Variants in FGF13 observed in about 807,000 individuals in gnomAD.
The protein encoded by FGF13 is fibroblast growth factor homologous factor 2.
A neutral mutation model predicts 19.5 loss-of-function variants in FGF13; 2 were observed. That is an observed-to-expected ratio of 0.10 (90% CI 0.04 to 0.32). The LOEUF (loss-of-function observed/expected upper bound fraction) is 0.32, where lower values mean the gene tolerates loss of function less well. FGF13 is among the 10% of genes least tolerant of loss of function. The pLI, the probability that FGF13 is intolerant of heterozygous loss-of-function variation, is 1.00. For missense variants in FGF13, 113 were observed against 192.7 expected (o/e 0.59, Z 2.45); for synonymous variants, 72 against 76.9 (o/e 0.94, Z 0.33).
intron 1 of FGF13, among the ~76,000 whole-genome samples, chrX:139,022,132 G>A (rs930725874): frequency 1.8e-5 from 2 of 111,407 alleles, no homozygotes; most frequent in South Asian, 7.5e-4. Context: ...AGGTAAGGAT[G>A]GGACAGGAGC....
chrX:138,726,629 T>C (rs1367048146), intron 1 of FGF13, among the ~76,000 whole-genome samples: 1 of 112,149 alleles, frequency 8.9e-6, no homozygotes, highest in Non-Finnish European at 1.9e-5. Context: ...TCTTATCTAC[T>C]GTAGACCAAC....
At chrX:139,105,278 G>A (rs1002510762) in intron 1 of FGF13, among the ~76,000 whole-genome samples, 2 of 111,480 alleles carry the variant, frequency 1.8e-5, no homozygotes, top group African/African-American at 6.5e-5. Context: ...ACACAATGTG[G>A]TATGGAGGAA....
chrX:138,971,642 GATAC>G (rs1270551510), intron 1 of FGF13, among the ~76,000 whole-genome samples: 4 of 111,092 alleles, frequency 3.6e-5, no homozygotes, highest in Non-Finnish European at 7.6e-5. Context: ...GTGATGCTTT[GATAC>G]ATACATATAT....
At chrX:139,077,272 A>G (rs1161942080) in intron 1 of FGF13, among the ~76,000 whole-genome samples, 2 of 112,281 alleles carry the variant, frequency 1.8e-5, no homozygotes, top group Admixed American at 1.9e-4. Context: ...TGAAAAGCCA[A>G]TGGAAGATAA....
chrX:138,886,754 G>A (rs772955448), intron 1 of FGF13, among the ~76,000 whole-genome samples: 3 of 111,603 alleles, frequency 2.7e-5, no homozygotes, highest in Non-Finnish European at 3.8e-5. Flanking sequence ...AAGTATAAGC[G>A]TTGTGTTTCA....
At chrX:138,781,835 G>C (rs1302303767) in intron 3 of FGF13, among the ~76,000 whole-genome samples, 4 of 111,813 alleles carry the variant, frequency 3.6e-5, no homozygotes, top group African/African-American at 1.3e-4. Flanking sequence ...TGATACCAAA[G>C]CCGGGCAGAG....
At chrX:138,963,912 G>A (rs143451705) in intron 1 of FGF13, among the ~76,000 whole-genome samples, 1,365 of 111,751 alleles carry the variant, frequency 0.012, 7 homozygotes, top group Non-Finnish European at 0.018. Context: ...CTGAAAAATG[G>A]GGACAGTAAT....
intron 3 of FGF13, among the ~76,000 whole-genome samples, chrX:138,761,238 T>C (rs904091299): frequency 5.4e-5 from 6 of 112,064 alleles, no homozygotes; most frequent in African/African-American, 1.9e-4. Context: ...GATTTAATAT[T>C]CTCTACAATG....
chrX:138,874,297 A>T (rs182123343), intron 1 of FGF13, among the ~76,000 whole-genome samples: 1,173 of 110,124 alleles, frequency 0.011, 14 homozygotes, highest in African/African-American at 0.036. Context: ...CAGGGCAAAA[A>T]GTTCCACGTA....
chrX:139,150,277 C>T (rs752814600), intron 1 of FGF13, among the ~76,000 whole-genome samples: 1 of 111,983 alleles, frequency 8.9e-6, no homozygotes, highest in Non-Finnish European at 1.9e-5. Flanking sequence ...ACCTCAAGAA[C>T]TGATACTTAT....
chrX:139,048,353 T>G (rs1195444443), intron 1 of FGF13, among the ~76,000 whole-genome samples: 2 of 111,379 alleles, frequency 1.8e-5, no homozygotes, highest in African/African-American at 6.5e-5. Flanking sequence ...AATATTACTC[T>G]CATTTACATT....
chrX:138,773,388 T>C (rs2090563383), intron 3 of FGF13, among the ~76,000 whole-genome samples: 1 of 112,108 alleles, frequency 8.9e-6, no homozygotes, highest in Non-Finnish European at 1.9e-5. Flanking sequence ...GTGAAGTTGA[T>C]GAGCTTTCCA....
intron 3 of FGF13, among the ~76,000 whole-genome samples, chrX:138,748,997 T>C (rs946609781): frequency 9.0e-6 from 1 of 110,957 alleles, no homozygotes. Context: ...CTATAGGAGG[T>C]TGCAGTGGGA....
chrX:138,942,345 A>G (rs1196940134), intron 1 of FGF13, among the ~76,000 whole-genome samples: 1 of 111,957 alleles, frequency 8.9e-6, no homozygotes, highest in Non-Finnish European at 1.9e-5. Context: ...AGCACATTGT[A>G]TCACCTCCAT....
At chrX:138,843,009 A>T (rs755450683) in intron 3 of FGF13, among the ~76,000 whole-genome samples, 1 of 112,047 alleles carries the variant, frequency 8.9e-6, no homozygotes, top group Admixed American at 9.5e-5. Flanking sequence ...GTTATTCATT[A>T]TCAAGTATGA....
intron 1 of FGF13, among the ~76,000 whole-genome samples, chrX:138,910,321 A>T (rs1285135090): frequency 9.0e-6 from 1 of 111,035 alleles, no homozygotes; most frequent in Non-Finnish European, 1.9e-5. Flanking sequence ...CCATATGAAA[A>T]GACCAAGTTA....
chrX:138,626,715 C>A lies in FGF13; in HGVS notation c.*6135G>T. 9.0e-6 allele frequency: 1 copy of A among 111,568 alleles called. No individual in the cohort carries two copies. The highest frequency in any genetic ancestry group is 2.8e-4 in the East Asian group (1 of 3,550). The allele number at this position is 111,568 out of a possible 1,213,427, so 9.2% of individuals were successfully genotyped here. On this transcript the variant is annotated 3_prime_UTR_variant, in exon 5 of 5. Transcript: ENST00000315930. ...TGTTTATTTAGTGTCCTGCTACACA[C>A]ACACACAGACACAGACACACACACA...
chrX:138,796,559 T>C (rs748661528), intron 3 of FGF13, among the ~76,000 whole-genome samples: 1 of 112,177 alleles, frequency 8.9e-6, no homozygotes, highest in South Asian at 3.8e-4. Context: ...TATAGTAGAA[T>C]GATTTGTAAT....
intron 1 of FGF13, among the ~76,000 whole-genome samples, chrX:139,093,286 G>A (rs751012130): frequency 8.9e-6 from 1 of 112,169 alleles, no homozygotes; most frequent in Non-Finnish European, 1.9e-5. Flanking sequence ...TCGCAGCCAT[G>A]TGATTTCCTG....
Sources: gnomAD v4.1 joint callset for allele counts (sites outside exome capture counted in the v4.1 genomes callset) on GRCh38, gnomAD v4.1.1 for gene constraint, MANE v1.5 for transcripts, NCBI Gene and HGNC (gene_info 2026-07-23, HGNC 2026-07-21) for gene names.